Variants in MOSMO observed in about 807,000 individuals in gnomAD.
The protein encoded by MOSMO is modulator of smoothened, also known as modulator of smoothened protein.
Under a neutral mutation model 18.4 loss-of-function variants are expected in MOSMO, and 5 were observed. The observed-to-expected ratio is 0.27, with a 90% CI of 0.14 to 0.57. The LOEUF (loss-of-function observed/expected upper bound fraction) is 0.57. Ranked by LOEUF, MOSMO falls within the 20% of genes least tolerant of loss-of-function variation. The pLI is 0.92. For synonymous variants in MOSMO, 82 were observed against 82.3 expected (o/e 1.00, Z 0.02); for missense variants, 138 against 211.8 (o/e 0.65, Z 2.16).
chr16:22,019,274 C>T (rs995332795), intron 1 of MOSMO, among the ~76,000 whole-genome samples: 4 of 152,152 alleles, frequency 2.6e-5, no homozygotes. Flanking sequence ...ACATTCTAGC[C>T]CCTCTGTATT....
At chr16:22,023,564 G>A (rs1899807663) in intron 1 of MOSMO, among the ~76,000 whole-genome samples, 1 of 151,920 alleles carries the variant, frequency 6.6e-6, no homozygotes, top group Admixed American at 6.6e-5. Flanking sequence ...TATTAGCCTA[G>A]AATTAACTAA....
intron 1 of MOSMO, among the ~76,000 whole-genome samples, chr16:22,011,448 A>C (rs989813240): frequency 6.6e-6 from 1 of 152,226 alleles, no homozygotes; most frequent in Non-Finnish European, 1.5e-5. Flanking sequence ...ATGGAGTGTC[A>C]GCTGGATAAA....
intron 1 of MOSMO, among the ~76,000 whole-genome samples, chr16:22,030,645 T>C (rs530464895): frequency 6.6e-6 from 1 of 152,284 alleles, no homozygotes; most frequent in African/African-American, 2.4e-5. Context: ...CAGGTGATTC[T>C]CAACCTCCCA....
In MOSMO at chr16:22,084,157, A is replaced by T. The variant is rs1384875724; in HGVS notation, c.*3277A>T. ...GAGGAAAGGCCCTGAAAAATACAGTATTGGAAACTAACTTTGCATATGCTG... is the reference window on the plus strand; with the variant it reads ...GAGGAAAGGCCCTGAAAAATACAGTTTTGGAAACTAACTTTGCATATGCTG... On this transcript the variant is annotated 3_prime_UTR_variant, in exon 3 of 3. Transcript: ENST00000542527. The T allele has an allele frequency of 6.3e-6, 1 of 157,506 alleles. No individual in the cohort carries two copies. Among genetic ancestry groups the T allele is most frequent in the Non-Finnish European group, 1.4e-5 (1 of 71,660 alleles). 9.8% of individuals were successfully genotyped at this position (157,506 alleles called of 1,614,324 possible).
intron 1 of MOSMO, among the ~76,000 whole-genome samples, chr16:22,033,625 G>A (rs1268689334): frequency 2.0e-5 from 3 of 151,684 alleles, no homozygotes; most frequent in African/African-American, 7.3e-5. Flanking sequence ...AGACCATCCT[G>A]ACTAACCTTG....
At chr16:22,017,366 G>C (rs1024909033) in intron 1 of MOSMO, among the ~76,000 whole-genome samples, 7 of 152,132 alleles carry the variant, frequency 4.6e-5, no homozygotes, top group African/African-American at 1.7e-4. Context: ...CATATTTACA[G>C]CTTTACCTTT....
intron 1 of MOSMO, among the ~76,000 whole-genome samples, chr16:22,022,965 A>G (rs1005782812): frequency 6.6e-6 from 1 of 152,208 alleles, no homozygotes; most frequent in Non-Finnish European, 1.5e-5. Flanking sequence ...ACCAAGTGTC[A>G]GTCAAGGGTT....
chr16:22,092,356 C>G (rs1901357350), downstream of MOSMO: 1 of 371,538 alleles, frequency 2.7e-6, no homozygotes, highest in African/African-American at 2.1e-5. Flanking sequence ...CTAAATCCTG[C>G]TTCCAGGTTT....
At chr16:22,013,798 G>A (rs918769391) in intron 1 of MOSMO, among the ~76,000 whole-genome samples, 1 of 151,550 alleles carries the variant, frequency 6.6e-6, no homozygotes, top group African/African-American at 2.4e-5. Flanking sequence ...TTGTCATAAC[G>A]AAGTTAAGGT....
rs1189427448 is a variant in MOSMO, at chr16:22,081,864, C to G, written c.*984C>G. ...TGTAATAGGTACAGATAATCCCATA[C>G]CTTTCTAGGTGCGATTTTAAGTTAA... On this transcript the variant is annotated 3_prime_UTR_variant, in exon 3 of 3. Coordinates refer to ENST00000542527, the MANE Select transcript of MOSMO (RefSeq NM_001164579.2). The G allele has an allele frequency of 6.6e-6, 1 of 151,928 alleles. No homozygotes were observed. Among genetic ancestry groups the G allele is most frequent in the African/African-American group, 2.4e-5 (1 of 41,356 alleles). 9.4% of individuals were successfully genotyped at this position (151,928 alleles called of 1,614,324 possible). A position where few individuals can be genotyped will look rare whatever the true frequency, so the allele number is the denominator to read the frequency against.
intron 1 of MOSMO, among the ~76,000 whole-genome samples, chr16:22,073,654 A>G (rs931900263): frequency 1.3e-5 from 2 of 151,946 alleles, no homozygotes; most frequent in Admixed American, 1.3e-4. Context: ...TCTGGTTTCA[A>G]GCAATTACCG....
At chr16:22,036,302 T>C (rs1201606377) in intron 1 of MOSMO, among the ~76,000 whole-genome samples, 1 of 152,040 alleles carries the variant, frequency 6.6e-6, no homozygotes, top group Non-Finnish European at 1.5e-5. Context: ...AATTTTTGTA[T>C]TTTTGTGGAG....
intron 1 of MOSMO, among the ~76,000 whole-genome samples, chr16:22,033,079 A>G (rs1026166928): frequency 2.6e-5 from 4 of 152,134 alleles, no homozygotes; most frequent in African/African-American, 7.2e-5. Flanking sequence ...CTTGATTACT[A>G]TAGCTTTGTA....
intron 1 of MOSMO, among the ~76,000 whole-genome samples, chr16:22,045,301 G>C (rs1900286057): frequency 6.6e-6 from 1 of 152,098 alleles, no homozygotes; most frequent in Non-Finnish European, 1.5e-5. Context: ...ATAGTGTAAA[G>C]TTTGGGTATT....
chr16:22,090,043 T>C (rs1461456924), downstream of MOSMO: 1 of 152,176 alleles, frequency 6.6e-6, no homozygotes, highest in Admixed American at 6.5e-5. Flanking sequence ...TGTGGTTTCA[T>C]GGGGCCAATT....
At chr16:22,060,380 A>C (rs1052902286) in intron 1 of MOSMO, among the ~76,000 whole-genome samples, 2 of 152,232 alleles carry the variant, frequency 1.3e-5, no homozygotes, top group African/African-American at 4.8e-5. Flanking sequence ...AAAGATTTTA[A>C]CAGGCCAGAG....
chr16:22,015,975 C>T (rs1899628532), intron 1 of MOSMO, among the ~76,000 whole-genome samples: 1 of 152,092 alleles, frequency 6.6e-6, no homozygotes, highest in African/African-American at 2.4e-5. Flanking sequence ...CTTATTGAGT[C>T]CTTCCTTATT....
At chr16:22,060,741 C>T (rs956086973) in intron 1 of MOSMO, among the ~76,000 whole-genome samples, 5 of 152,070 alleles carry the variant, frequency 3.3e-5, no homozygotes, top group Admixed American at 6.6e-5. Flanking sequence ...GGCTTTATGG[C>T]GCATGCCTGT....
chr16:22,089,978 C>A (rs1369485400), downstream of MOSMO: 5 of 149,790 alleles, frequency 3.3e-5, no homozygotes, highest in African/African-American at 7.4e-5. Flanking sequence ...CCTTTGGTTT[C>A]AAAAAAAAAG....
Sources: gnomAD v4.1 joint callset for allele counts (sites outside exome capture counted in the v4.1 genomes callset) on GRCh38, gnomAD v4.1.1 for gene constraint, MANE v1.5 for transcripts, NCBI Gene and HGNC (gene_info 2026-07-23, HGNC 2026-07-21) for gene names.